Variants in VTCN1 observed in about 807,000 individuals in gnomAD.
The protein encoded by VTCN1 is V-set domain-containing T-cell activation inhibitor 1.
In VTCN1, 26 loss-of-function variants were observed where a neutral mutation model predicts 26.5. The ratio of observed to expected loss-of-function variants is 0.98; its 90% confidence interval spans 0.72 to 1.36. The LOEUF (loss-of-function observed/expected upper bound fraction) is 1.36, where lower values mean the gene tolerates loss of function less well. Ranked by LOEUF, VTCN1 falls within the 40% of genes most tolerant of loss-of-function variation. The probability of loss-of-function intolerance (pLI) is 0.00; values close to 1 mark genes in which losing one functional copy is unlikely to be tolerated. For synonymous variants in VTCN1, 116 were observed against 130.7 expected (o/e 0.89, Z 0.77); for missense variants, 298 against 337.7 (o/e 0.88, Z 0.92).
intron 2 of VTCN1, among the ~76,000 whole-genome samples, chr1:117,163,455 T>C (rs764314485): frequency 4.6e-5 from 7 of 152,210 alleles, no homozygotes; most frequent in Non-Finnish European, 8.8e-5. Flanking sequence ...TCAGTATTGA[T>C]ATTAATAACC....
chr1:117,164,310 G>A (rs1160286717), intron 2 of VTCN1, among the ~76,000 whole-genome samples: 1 of 151,984 alleles, frequency 6.6e-6, no homozygotes, highest in East Asian at 1.9e-4. Flanking sequence ...AACTGGACTT[G>A]TCTAAGTCAT....
Position 117,210,817 on chromosome 1 carries a change from A to G in VTCN1, c.32+7T>C. On this transcript the variant is annotated splice_region_variant and intron_variant, in intron 1 of 5. Transcript: ENST00000369458. ...CCCATAAGGATAGAGAGAAGAGTATATACTACCTCCAGAAGAGGATCTGCC... is the reference window on the plus strand; with the variant it reads ...CCCATAAGGATAGAGAGAAGAGTATGTACTACCTCCAGAAGAGGATCTGCC... 6.2e-7 allele frequency: 1 copy of G among 1,614,000 alleles called. No homozygotes were observed. The highest frequency in any genetic ancestry group is 8.5e-7 in the Non-Finnish European group (1 of 1,179,882).
chr1:117,172,920 G>A (rs573756776), intron 1 of VTCN1, among the ~76,000 whole-genome samples: 98 of 152,254 alleles, frequency 6.4e-4, no homozygotes, highest in Middle Eastern at 3.4e-3. Flanking sequence ...GCCAAATAAG[G>A]GAATAAAAGC....
In VTCN1 at chr1:117,151,359, TG is replaced by T. The variant is rs532411038; in HGVS notation, c.724+1731del. Among the ~76,000 whole-genome samples, 19 of 152,270 alleles carry T rather than the reference TG, an allele frequency of 1.2e-4. No individual in the cohort carries two copies. In the East Asian group the frequency reaches 2.5e-3, roughly 20 times the overall value. Reference sequence around the variant, plus strand: ...GGAATGAAGCTGCAGACCTTCGCAGTGAGAGTCACAGCTCTTAAAGCTAGTG... The same window carrying T: ...GGAATGAAGCTGCAGACCTTCGCAGTAGAGTCACAGCTCTTAAAGCTAGTG... On this transcript the variant is annotated intron_variant, in intron 4 of 5. Transcript: ENST00000369458.
At chr1:117,194,768 AC>A (rs1204789641) in intron 1 of VTCN1, among the ~76,000 whole-genome samples, 1 of 152,254 alleles carries the variant, frequency 6.6e-6, no homozygotes, top group African/African-American at 2.4e-5. Context: ...TATATCAGCC[AC>A]AAAAAGACAA....
chr1:117,179,839 G>T (rs1360503500), intron 1 of VTCN1, among the ~76,000 whole-genome samples: 1 of 152,142 alleles, frequency 6.6e-6, no homozygotes, highest in South Asian at 2.1e-4. Flanking sequence ...ACGACCTACG[G>T]AGATAGATAC....
intron 1 of VTCN1, among the ~76,000 whole-genome samples, chr1:117,185,456 A>C (rs1647887292): frequency 6.6e-6 from 1 of 152,158 alleles, no homozygotes; most frequent in Non-Finnish European, 1.5e-5. Flanking sequence ...GTAAACCAAA[A>C]ATAAAATTCT....
chr1:117,154,313 T>G (rs901903161), intron 3 of VTCN1, among the ~76,000 whole-genome samples: 1 of 152,184 alleles, frequency 6.6e-6, no homozygotes, highest in African/African-American at 2.4e-5. Flanking sequence ...CTTATTTCAT[T>G]TGATCCTCAC....
At chr1:117,194,314 A>C (rs1648400594) in intron 1 of VTCN1, among the ~76,000 whole-genome samples, 1 of 152,220 alleles carries the variant, frequency 6.6e-6, no homozygotes, top group African/African-American at 2.4e-5. Flanking sequence ...TCAAAACCAC[A>C]GTGAGATATC....
At chr1:117,178,721 G>A (rs1476901265) in intron 1 of VTCN1, among the ~76,000 whole-genome samples, 1 of 148,196 alleles carries the variant, frequency 6.7e-6, no homozygotes, top group Non-Finnish European at 1.5e-5. Context: ...AGCCTCTTGA[G>A]TAGCTGGGAC....
At chr1:117,198,424 C>A (rs768712354) in intron 1 of VTCN1, among the ~76,000 whole-genome samples, 83 of 152,206 alleles carry the variant, frequency 5.5e-4, no homozygotes, top group Non-Finnish European at 9.0e-4. Flanking sequence ...AAGGCAGAAG[C>A]ACTGGGGATT....
chr1:117,163,757 G>A (rs1000270113), intron 2 of VTCN1, among the ~76,000 whole-genome samples: 1 of 152,130 alleles, frequency 6.6e-6, no homozygotes, highest in Non-Finnish European at 1.5e-5. Flanking sequence ...ATTGAGACAT[G>A]TAGAGTGCCA....
At chr1:117,200,879 G>A (rs1056574464) in intron 1 of VTCN1, among the ~76,000 whole-genome samples, 3 of 152,130 alleles carry the variant, frequency 2.0e-5, no homozygotes, top group Non-Finnish European at 4.4e-5. Context: ...AGCCTCCTGA[G>A]TAGCTGGGAC....
At chr1:117,178,647 G>T (rs545172961) in intron 1 of VTCN1, among the ~76,000 whole-genome samples, 10 of 129,752 alleles carry the variant, frequency 7.7e-5, no homozygotes, top group African/African-American at 2.9e-4. Context: ...TGACTGCAGT[G>T]CAGTTGCACA....
chr1:117,163,284 GAT>G (rs1297519522), intron 2 of VTCN1, among the ~76,000 whole-genome samples: 1 of 152,200 alleles, frequency 6.6e-6, no homozygotes, highest in Non-Finnish European at 1.5e-5. Context: ...CCACTTATTG[GAT>G]ATGTGACCTT....
chr1:117,144,405 C>T lies in VTCN1; in HGVS notation c.*866G>A, dbSNP rs1309166390. The T allele has an allele frequency of 1.3e-5, 2 of 152,160 alleles. No individual in the cohort carries two copies. The highest frequency in any genetic ancestry group is 2.9e-5 in the Non-Finnish European group (2 of 68,060). 9.4% of individuals were successfully genotyped at this position (152,160 alleles called of 1,614,324 possible). ...GGGGGCGAAATCACCCCAGCTGAGTCCCACTGCTCTAGATGCTATTGAAAA... is the reference window on the plus strand; with the variant it reads ...GGGGGCGAAATCACCCCAGCTGAGTTCCACTGCTCTAGATGCTATTGAAAA... On this transcript the variant is annotated 3_prime_UTR_variant, in exon 6 of 6. Transcript: ENST00000369458.
At chr1:117,186,883 AGGCCCCAGAATTGACC>A (rs2101569300) in intron 1 of VTCN1, among the ~76,000 whole-genome samples, 1 of 151,576 alleles carries the variant, frequency 6.6e-6, no homozygotes, top group South Asian at 2.1e-4. Context: ...AGTGTTATTC[AGGCCCCAGAATTGACC>A]CTGTTCTTGA....
intron 4 of VTCN1, among the ~76,000 whole-genome samples, chr1:117,150,077 G>C (rs1376037792): frequency 1.3e-5 from 2 of 152,118 alleles, no homozygotes; most frequent in East Asian, 3.8e-4. Flanking sequence ...ACTGGGAACT[G>C]GACTGAGATA....
chr1:117,159,131 C>T lies in VTCN1; in HGVS notation c.98-2210G>A, dbSNP rs1376404572. 6.6e-6 allele frequency among the ~76,000 whole-genome samples: 1 copy of T among 152,208 alleles called. No homozygotes were observed. Among genetic ancestry groups the T allele is most frequent in the Non-Finnish European group, 1.5e-5 (1 of 68,044 alleles). On this transcript the variant is annotated intron_variant, in intron 2 of 5. Transcript: ENST00000369458. This position sits in a 1 kb window ranked among gnomAD's most constrained non-coding sequence, Gnocchi z 4.7. ...AAACTGTTCCAACCTCTGCCTGTTA[C>T]CCAGTTCCAAAGTTGCTTCCACATT...
Sources: allele counts gnomAD v4.1 joint callset (sites outside exome capture counted in the v4.1 genomes callset), GRCh38; gene constraint gnomAD v4.1.1; non-coding constraint Gnocchi (gnomAD v3.1); transcripts MANE v1.5; gene names NCBI Gene and HGNC (gene_info 2026-07-23, HGNC 2026-07-21).